Variants in ADAMTSL3 observed in about 807,000 individuals in gnomAD.
The protein encoded by ADAMTSL3 is ADAMTS like 3.
A neutral mutation model predicts 201.7 loss-of-function variants in ADAMTSL3; 128 were observed. The observed-to-expected ratio is 0.63, with a 90% CI of 0.55 to 0.73. The LOEUF is 0.73. ADAMTSL3 is among the 30% of genes least tolerant of loss of function. The pLI is 0.00. For missense variants in ADAMTSL3, 1,990 were observed against 2,119.6 expected, an observed-to-expected ratio of 0.94 and a Z score of 1.20; for synonymous variants, 738 against 748.4, an observed-to-expected ratio of 0.99 and a Z score of 0.23.
chr15:83,821,225 C>T (rs1221666432), intron 6 of ADAMTSL3, among the ~76,000 whole-genome samples: 1 of 151,632 alleles, frequency 6.6e-6, no homozygotes, highest in Admixed American at 6.6e-5. Flanking sequence ...TTTCCTTTCA[C>T]TTACTGTCTG....
intron 25 of ADAMTSL3, among the ~76,000 whole-genome samples, chr15:84,019,756 G>C (rs1216537519): frequency 2.6e-5 from 4 of 151,880 alleles, no homozygotes; most frequent in Admixed American, 2.6e-4. Flanking sequence ...GCCCGGCGCG[G>C]TGGTGCACAC....
At chr15:83,658,259 CT>C (rs2061118613) in intron 2 of ADAMTSL3, among the ~76,000 whole-genome samples, 1 of 152,154 alleles carries the variant, frequency 6.6e-6, no homozygotes, top group Non-Finnish European at 1.5e-5. Context: ...CAGGCGCACA[CT>C]ACCACATCCA....
At chr15:83,811,280 C>T (rs868709910) in intron 5 of ADAMTSL3, among the ~76,000 whole-genome samples, 2 of 152,182 alleles carry the variant, frequency 1.3e-5, no homozygotes, top group Non-Finnish European at 2.9e-5. Context: ...TTTCTTTGGT[C>T]TGACAATTTC....
At chr15:83,708,505 G>A (rs2061885011) in intron 3 of ADAMTSL3, among the ~76,000 whole-genome samples, 1 of 151,998 alleles carries the variant, frequency 6.6e-6, no homozygotes, top group African/African-American at 2.4e-5. Context: ...GGAGGGCCGC[G>A]GCAGCTTCTA....
At chr15:84,009,593 A>G (rs1310586366) in intron 23 of ADAMTSL3, among the ~76,000 whole-genome samples, 1 of 152,242 alleles carries the variant, frequency 6.6e-6, no homozygotes, top group Non-Finnish European at 1.5e-5. Flanking sequence ...TCACACTTGT[A>G]ATGTGATACG....
At chr15:83,849,302 T>C (rs1190636799) in intron 7 of ADAMTSL3, among the ~76,000 whole-genome samples, 2 of 152,138 alleles carry the variant, frequency 1.3e-5, no homozygotes, top group Non-Finnish European at 2.9e-5. Flanking sequence ...AATTTTTAAA[T>C]TTTTTGTTGA....
chr15:83,775,024 T>A (rs1368736532), intron 4 of ADAMTSL3, among the ~76,000 whole-genome samples: 1 of 152,022 alleles, frequency 6.6e-6, no homozygotes, highest in African/African-American at 2.4e-5. Flanking sequence ...TTTTTGTATT[T>A]TTAATAGAGA....
chr15:84,036,332 A>G (rs1304495814), intron 28 of ADAMTSL3, among the ~76,000 whole-genome samples: 4 of 152,264 alleles, frequency 2.6e-5, no homozygotes, highest in South Asian at 2.1e-4. Context: ...GGTTGCTCAC[A>G]TAGAAAGTCA....
intron 4 of ADAMTSL3, among the ~76,000 whole-genome samples, chr15:83,785,664 A>G (rs557256568): frequency 6.6e-6 from 1 of 152,148 alleles, no homozygotes; most frequent in Non-Finnish European, 1.5e-5. Context: ...TCTCTATGGT[A>G]GGAAGATTTT....
intron 20 of ADAMTSL3, among the ~76,000 whole-genome samples, chr15:83,976,638 C>T (rs1015517606): frequency 5.9e-5 from 9 of 151,684 alleles, no homozygotes; most frequent in Non-Finnish European, 8.8e-5. Flanking sequence ...ATAAGGAGCC[C>T]GCAACCTAGA....
At position 83,838,166 on chromosome 15, in the gene ADAMTSL3, C is replaced by T; in HGVS notation, c.678C>T (p.Thr226=). Residue 226 remains threonine (T), a synonymous_variant, in exon 7 of 30, where the codon ACC becomes ACT. Coordinates refer to ENST00000286744, the MANE Select transcript of ADAMTSL3 (RefSeq NM_207517.3). ...GAGTCTGTGCCGGCGATGGCTCCACCTGCAGGCTTGTACGGGGACAATCAA... is the reference window on the plus strand; with the variant it reads ...GAGTCTGTGCCGGCGATGGCTCCACTTGCAGGCTTGTACGGGGACAATCAA... The part of the protein sequence containing the change: ...NCGVCAGDGS[T]CRLVRGQSKS... The T allele has an allele frequency of 1.2e-6, 2 of 1,613,134 alleles. No homozygotes were observed. The highest frequency in any genetic ancestry group is 1.1e-5 in the South Asian group (1 of 90,826).
At position 83,773,607 on chromosome 15, in the gene ADAMTSL3, G is replaced by C. The variant is rs774426794; in HGVS notation, c.274G>C (p.Gly92Arg). ...GDWSDCSRTC[G>R]GGASYSLRRC... Reference sequence around the variant, plus strand: ...CTGGAGTGACTGCTCCCGGACCTGTGGGGGAGGAGCATCATATTCTCTGCG... The same window carrying C: ...CTGGAGTGACTGCTCCCGGACCTGTCGGGGAGGAGCATCATATTCTCTGCG... The change falls in exon 4 of 30, where the codon GGG becomes CGG. Residue 92 changes from glycine (G) to arginine (R), a missense_variant. By Grantham distance (125) the Gly-to-Arg change is moderately radical (BLOSUM62 -2). Coordinates refer to ENST00000286744, the MANE Select transcript of ADAMTSL3 (RefSeq NM_207517.3). The C allele has an allele frequency of 9.9e-6, 16 of 1,612,586 alleles. No homozygotes were observed. The highest frequency in any genetic ancestry group is 4.5e-5 in the East Asian group (2 of 44,888).
At chr15:83,674,788 T>A (rs138764723) in intron 2 of ADAMTSL3, among the ~76,000 whole-genome samples, 7,068 of 138,810 alleles carry the variant, frequency 0.051, 531 homozygotes, top group East Asian at 0.16. Context: ...TATATATATA[T>A]AAATCTTGCT....
chr15:84,009,791 C>T (rs1360944404), intron 23 of ADAMTSL3, among the ~76,000 whole-genome samples: 1 of 152,212 alleles, frequency 6.6e-6, no homozygotes, highest in Non-Finnish European at 1.5e-5. Context: ...GTTTCAGGGC[C>T]AAGGTACTTG....
chr15:83,891,889 C>T (rs1016515035), intron 12 of ADAMTSL3, among the ~76,000 whole-genome samples: 9 of 152,200 alleles, frequency 5.9e-5, no homozygotes, highest in African/African-American at 1.9e-4. Flanking sequence ...GAGCTAAGTA[C>T]CTTGTGACAA....
At chr15:83,937,062 G>A (rs1711658694) in intron 17 of ADAMTSL3, among the ~76,000 whole-genome samples, 2 of 150,956 alleles carry the variant, frequency 1.3e-5, no homozygotes, top group South Asian at 4.1e-4. Context: ...CGCTGCTGGT[G>A]GGAATGTAAA....
intron 19 of ADAMTSL3, among the ~76,000 whole-genome samples, chr15:83,957,398 CAT>C (rs1225110150): frequency 6.6e-6 from 1 of 152,070 alleles, no homozygotes; most frequent in Non-Finnish European, 1.5e-5. Flanking sequence ...AGGTTTTAGA[CAT>C]ATAATTCTGG....
chr15:83,849,428 C>T (rs1020178599), intron 7 of ADAMTSL3, among the ~76,000 whole-genome samples: 4 of 152,120 alleles, frequency 2.6e-5, no homozygotes, highest in South Asian at 2.1e-4. Context: ...GCCCAGCCAC[C>T]GTCCGCTGTG....
At chr15:83,856,343 T>A (rs1185155186) in intron 7 of ADAMTSL3, among the ~76,000 whole-genome samples, 1 of 151,450 alleles carries the variant, frequency 6.6e-6, no homozygotes, top group Non-Finnish European at 1.5e-5. Context: ...TAAAAAAAAA[T>A]TATAAAATTT....
Sources: allele counts gnomAD v4.1 joint callset (sites outside exome capture counted in the v4.1 genomes callset), GRCh38; gene constraint gnomAD v4.1.1; transcripts MANE v1.5; gene names NCBI Gene and HGNC (gene_info 2026-07-23, HGNC 2026-07-21).